Variants in CSMD3 observed in about 807,000 individuals in gnomAD.
CSMD3 encodes CUB and sushi domain-containing protein 3.
A neutral mutation model predicts 435.2 loss-of-function variants in CSMD3; 177 were observed. The ratio of observed to expected loss-of-function variants is 0.41; its 90% CI spans 0.36 to 0.46. The LOEUF is 0.46. CSMD3 is among the 20% of genes least tolerant of loss of function. The probability of loss-of-function intolerance (pLI) is 0.34; values close to 1 mark genes in which losing one functional copy is unlikely to be tolerated. For missense variants in CSMD3, 4,265 were observed against 4,504.6 expected, an observed-to-expected ratio of 0.95 and a Z score of 1.52; for synonymous variants, 1,656 against 1,520.5, an observed-to-expected ratio of 1.09 and a Z score of -2.07.
chr8:112,566,998 C>A (rs896377518), intron 24 of CSMD3, among the ~76,000 whole-genome samples: 10 of 152,198 alleles, frequency 6.6e-5, no homozygotes, highest in Admixed American at 5.9e-4. Flanking sequence ...GTTCTCTTTG[C>A]TCTTTCTTTT....
chr8:113,064,166 G>A (rs1001231490), intron 5 of CSMD3, among the ~76,000 whole-genome samples: 1 of 151,522 alleles, frequency 6.6e-6, no homozygotes, highest in African/African-American at 2.4e-5. Flanking sequence ...ATTATAATCA[G>A]TATATTTTAA....
intron 10 of CSMD3, among the ~76,000 whole-genome samples, chr8:112,919,351 TA>T (rs200528711): frequency 0.034 from 5,121 of 151,842 alleles, 149 homozygotes; most frequent in Middle Eastern, 0.051. Flanking sequence ...ATGGGGTTTA[TA>T]AAAAAATAAC....
chr8:113,125,402 G>A (rs1250967560), intron 4 of CSMD3, among the ~76,000 whole-genome samples: 2 of 151,868 alleles, frequency 1.3e-5, no homozygotes, highest in Non-Finnish European at 2.9e-5. Context: ...ATTTGGGGCT[G>A]GAGATTAAAA....
intron 16 of CSMD3, among the ~76,000 whole-genome samples, chr8:112,671,963 A>G (rs1276718367): frequency 5.9e-5 from 9 of 152,074 alleles, no homozygotes; most frequent in Non-Finnish European, 1.3e-4. Flanking sequence ...AGTTTCTGCT[A>G]CTATGTCTAA....
chr8:112,713,684 T>A (rs1211027649), intron 13 of CSMD3, among the ~76,000 whole-genome samples: 1 of 152,106 alleles, frequency 6.6e-6, no homozygotes, highest in African/African-American at 2.4e-5. Context: ...AAAGGCCAGG[T>A]CACCTACAAG....
rs554842700 is a variant in CSMD3, at chr8:112,665,893, C to G, written c.2816+384G>C. 2.0e-5 allele frequency among the ~76,000 whole-genome samples: 3 copies of G among 152,190 alleles called. No individual in the cohort carries two copies. In the South Asian group the frequency reaches 6.2e-4, roughly 32 times the overall value. ...GCATATGGATAGTGTGCCTAAGTGT[C>G]TTAGACTGCACTAGTGTTGATTTGA... On this transcript the variant is annotated intron_variant, in intron 17 of 70. Coordinates refer to ENST00000297405, the MANE Select transcript of CSMD3 (RefSeq NM_198123.2).
chr8:113,411,887 A>C (rs2129802654), intron 1 of CSMD3, among the ~76,000 whole-genome samples: 1 of 152,166 alleles, frequency 6.6e-6, no homozygotes, highest in African/African-American at 2.4e-5. Flanking sequence ...CAACTGCAAA[A>C]TTTTCTTATC....
At chr8:113,125,466 A>G (rs1336906922) in intron 4 of CSMD3, among the ~76,000 whole-genome samples, 2 of 151,980 alleles carry the variant, frequency 1.3e-5, no homozygotes, top group Admixed American at 1.3e-4. Flanking sequence ...GCTTTGTTAC[A>G]GTACATGGGA....
At chr8:112,249,529 A>G (rs1301878636) in intron 63 of CSMD3, among the ~76,000 whole-genome samples, 1 of 152,024 alleles carries the variant, frequency 6.6e-6, no homozygotes, top group Non-Finnish European at 1.5e-5. Flanking sequence ...ATTTGTCTCC[A>G]TTTCTCACTT....
chr8:113,081,037 T>A (rs567820225), intron 5 of CSMD3, among the ~76,000 whole-genome samples: 1 of 152,316 alleles, frequency 6.6e-6, no homozygotes, highest in East Asian at 1.9e-4. Context: ...TAATTTTATA[T>A]TGTTCTTCTT....
chr8:112,861,323 C>T (rs964326072), intron 10 of CSMD3, among the ~76,000 whole-genome samples: 19 of 151,692 alleles, frequency 1.3e-4, no homozygotes, highest in African/African-American at 3.6e-4. Flanking sequence ...TATCTATTTC[C>T]GATGGAATAA....
chr8:112,702,517 A>T (rs59975810), intron 13 of CSMD3, among the ~76,000 whole-genome samples: 1 of 151,754 alleles, frequency 6.6e-6, no homozygotes, highest in Non-Finnish European at 1.5e-5. Context: ...TGAGTGCTGG[A>T]TATCTTCTGT....
chr8:112,411,481 G>A (rs1811344939), intron 32 of CSMD3, among the ~76,000 whole-genome samples: 2 of 151,834 alleles, frequency 1.3e-5, no homozygotes, highest in Admixed American at 1.3e-4. Flanking sequence ...TAAATTAAAA[G>A]TAGCTTTCAC....
chr8:113,427,881 A>G (rs567272997), intron 1 of CSMD3, among the ~76,000 whole-genome samples: 15 of 151,568 alleles, frequency 9.9e-5, no homozygotes, highest in Non-Finnish European at 1.3e-4. Flanking sequence ...TTATGATACA[A>G]TTTTATCATT....
At chr8:112,292,865 G>A (rs1445173836) in intron 54 of CSMD3, among the ~76,000 whole-genome samples, 155 bp from the exon 55 acceptor site, 4 of 152,132 alleles carry the variant, frequency 2.6e-5, no homozygotes, top group Non-Finnish European at 4.4e-5. Flanking sequence ...ATTTACTAAT[G>A]TAGATGAACA....
Position 112,336,636 on chromosome 8 carries a change from A to G in CSMD3, c.7019+16T>C. 1 of 1,568,008 alleles carries G rather than the reference A, an allele frequency of 6.4e-7. No individual in the cohort carries two copies. The highest frequency in any genetic ancestry group is 8.8e-7 in the Non-Finnish European group (1 of 1,138,478). On this transcript the variant is annotated intron_variant, in intron 44 of 70. Coordinates refer to ENST00000297405, the MANE Select transcript of CSMD3 (RefSeq NM_198123.2). The stretch of plus-strand genomic sequence containing the variant: ...GTATATAATTGAATAAATCAATAAC[A>G]ATAGTCCTGACTTACCATACAGTAA...
At chr8:112,893,741 G>T (rs77236979) in intron 10 of CSMD3, among the ~76,000 whole-genome samples, 1,606 of 151,456 alleles carry the variant, frequency 0.011, 30 homozygotes, top group African/African-American at 0.036. Flanking sequence ...TTTAAATTTT[G>T]TGTTCTTCTT....
At chr8:112,629,451 A>T (rs943875848) in intron 22 of CSMD3, among the ~76,000 whole-genome samples, 2 of 152,184 alleles carry the variant, frequency 1.3e-5, no homozygotes, top group Non-Finnish European at 2.9e-5. Flanking sequence ...AGATTAAAAA[A>T]ATCATTTGTT....
chr8:112,560,869 A>G (rs1828561329), intron 24 of CSMD3, among the ~76,000 whole-genome samples: 1 of 151,706 alleles, frequency 6.6e-6, no homozygotes, highest in African/African-American at 2.4e-5. Flanking sequence ...TTCAAGATGC[A>G]ATGTATTTTG....
Sources: allele counts gnomAD v4.1 joint callset (sites outside exome capture counted in the v4.1 genomes callset), GRCh38; gene constraint gnomAD v4.1.1; transcripts MANE v1.5; gene names NCBI Gene and HGNC (gene_info 2026-07-23, HGNC 2026-07-21).